The following NCOR2 variants were observed in gnomAD, a reference collection of about 807,000 sequenced individuals.
NCOR2 encodes the protein CTG repeat protein 26.
Under a neutral mutation model 262.9 loss-of-function variants are expected in NCOR2, and 81 were observed. That is an observed-to-expected ratio of 0.31 (90% confidence interval 0.26 to 0.37). NCOR2 has a LOEUF of 0.37. NCOR2 is among the 10% of genes least tolerant of loss of function. The pLI is 1.00. For synonymous variants in NCOR2, 1,659 were observed against 1,559.3 expected, an observed-to-expected ratio of 1.06 and a Z score of -1.51; for missense variants, 3,385 against 3,621.4, an observed-to-expected ratio of 0.93 and a Z score of 1.68.
At chr12:124,516,872 A>G (rs924599445) in intron 1 of NCOR2, among the ~76,000 whole-genome samples, 1 of 152,214 alleles carries the variant, frequency 6.6e-6, no homozygotes, top group Admixed American at 6.5e-5. Flanking sequence ...CTGTGAGCCT[A>G]TTATGAGCTA....
intron 4 of NCOR2, among the ~76,000 whole-genome samples, chr12:124,469,342 G>A (rs541611801): frequency 3.9e-5 from 6 of 152,268 alleles, no homozygotes; most frequent in Admixed American, 6.5e-5. Flanking sequence ...AGACTCCATC[G>A]CTGGCGGTTT....
chr12:124,390,637 C>G (rs940593448), intron 16 of NCOR2, among the ~76,000 whole-genome samples: 2 of 152,198 alleles, frequency 1.3e-5, no homozygotes, highest in African/African-American at 4.8e-5. Context: ...TGGTAAGGAG[C>G]TTGCAAAGGA....
At chr12:124,493,849 C>T (rs1004787405) in intron 1 of NCOR2, among the ~76,000 whole-genome samples, 1 of 152,214 alleles carries the variant, frequency 6.6e-6, no homozygotes, top group Non-Finnish European at 1.5e-5. Flanking sequence ...AGCCCCGATG[C>T]TGTGGCAGCC....
chr12:124,388,279 T>A (rs1593325062), intron 16 of NCOR2, among the ~76,000 whole-genome samples: 1 of 152,018 alleles, frequency 6.6e-6, no homozygotes, highest in African/African-American at 2.4e-5. Flanking sequence ...GGCTGCGGGG[T>A]AGGGGCAGGC....
exon 20 of NCOR2, chr12:124,372,506 C>T (rs369819038): frequency 3.3e-5 from 52 of 1,587,722 alleles, no homozygotes; most frequent in South Asian, 2.1e-4. Context: ...GGCCCGTCGG[C>T]GCCCAGGGTG....
chr12:124,519,504 G>T (rs1446054661), intron 1 of NCOR2, among the ~76,000 whole-genome samples: 1 of 152,176 alleles, frequency 6.6e-6, no homozygotes, highest in Non-Finnish European at 1.5e-5. Flanking sequence ...CTGGAGGCTG[G>T]ACCACGCGGG....
In NCOR2 at chr12:124,422,660, C is replaced by T. The variant is rs964432853; in HGVS notation, c.1329-105G>A. The T allele has an allele frequency of 1.0e-5, 13 of 1,270,874 alleles. No individual in the cohort carries two copies. In the East Asian group the frequency reaches 1.8e-4, roughly 18 times the overall value. 78.7% of individuals were successfully genotyped at this position (1,270,874 alleles called of 1,614,324 possible). On this transcript the variant is annotated intron_variant, in intron 11 of 46. Coordinates refer to ENST00000405201, the Ensembl canonical transcript of NCOR2. Reference sequence around the variant, plus strand: ...TGCCATCCCCACTGGCCGGGCCTGGCGGGCACCGCCCCACTTGGAGCAATT... The same window carrying T: ...TGCCATCCCCACTGGCCGGGCCTGGTGGGCACCGCCCCACTTGGAGCAATT...
At chr12:124,552,324 A>G (rs1445313564) in intron 1 of NCOR2, among the ~76,000 whole-genome samples, 1 of 152,078 alleles carries the variant, frequency 6.6e-6, no homozygotes, top group Non-Finnish European at 1.5e-5. Context: ...GTCTCAAAAA[A>G]AAAAACCACT....
At chr12:124,496,580 C>T (rs1299063063), upstream of NCOR2, among the ~76,000 whole-genome samples, 1 of 152,080 alleles carries the variant, frequency 6.6e-6, no homozygotes, top group Non-Finnish European at 1.5e-5. This position sits in a 1 kb window ranked among gnomAD's most constrained non-coding sequence, Gnocchi z 4.4. Context: ...AACACCCCCT[C>T]CCCCAACCTG....
intron 1 of NCOR2, among the ~76,000 whole-genome samples, chr12:124,532,982 C>T (rs2050913543): frequency 9.4e-6 from 1 of 106,742 alleles, no homozygotes. Flanking sequence ...CCAAATCCCA[C>T]TCCTCTTTCC....
intron 3 of NCOR2, among the ~76,000 whole-genome samples, chr12:124,479,450 C>T (rs926355379): frequency 2.0e-4 from 16 of 80,976 alleles, no homozygotes; most frequent in Admixed American, 1.5e-3. Context: ...TGTGCACACA[C>T]GCATACACAC....
At chr12:124,412,928 A>T (rs1224879470) in intron 13 of NCOR2, among the ~76,000 whole-genome samples, 3 of 152,188 alleles carry the variant, frequency 2.0e-5, no homozygotes, top group Non-Finnish European at 4.4e-5. Flanking sequence ...GACAGGGGGA[A>T]CTCCAGGAGG....
At chr12:124,429,848 C>T (rs1478189557) in intron 9 of NCOR2, 142 bp from the exon 12 acceptor site, 15 of 786,082 alleles carry the variant, frequency 1.9e-5, no homozygotes, top group Non-Finnish European at 2.8e-5. Context: ...GCCCCACACC[C>T]GGGGTCCTGG....
intron 20 of NCOR2, among the ~76,000 whole-genome samples, chr12:124,368,653 AG>A (rs773155263): frequency 1.5e-3 from 225 of 152,132 alleles, no homozygotes; most frequent in Admixed American, 3.5e-3. Context: ...GGTGGTTCCC[AG>A]GGGGTCTGGC....
At position 124,481,724 on chromosome 12, in the gene NCOR2, C is replaced by A. The variant is rs940285138; in HGVS notation, c.411+1872G>T. ...ATCACGCCGGACCTGCAGCCCATGG[C>A]AAGGATTTTGGCTTTTTCCTGCTTG... On this transcript the variant is annotated intron_variant, in intron 3 of 46. Coordinates refer to ENST00000405201, the Ensembl canonical transcript of NCOR2. This position sits in a 1 kb window ranked among gnomAD's most constrained non-coding sequence, Gnocchi z 4.6. Among the ~76,000 whole-genome samples, 1 of 152,008 alleles carries A rather than the reference C, an allele frequency of 6.6e-6. No homozygotes were observed. The highest frequency in any genetic ancestry group is 2.4e-5 in the African/African-American group (1 of 41,350).
chr12:124,426,657 C>A, exon 11 of NCOR2: 5 of 1,604,728 alleles, frequency 3.1e-6, no homozygotes, highest in Non-Finnish European at 4.3e-6. Context: ...GCTCACTCCA[C>A]ATGTTCATGA....
At chr12:124,420,946 G>A (rs908147615) in intron 12 of NCOR2, among the ~76,000 whole-genome samples, 19 of 152,200 alleles carry the variant, frequency 1.2e-4, no homozygotes, top group Non-Finnish European at 1.3e-4. Flanking sequence ...GCTCCCAGGC[G>A]GCCCCAGGCT....
rs916468902 is a variant in NCOR2, at chr12:124,443,685, T to C, written c.816-5689A>G. ...GCCCAGCTAATTTTCGTATTTTTAG[T>C]AGAGACGGGGTTTCACTATATTGGC... On this transcript the variant is annotated intron_variant, in intron 7 of 46. Transcript: ENST00000405201. This position sits in a 1 kb window ranked among gnomAD's most constrained non-coding sequence, Gnocchi z 4.4. 2.0e-5 allele frequency among the ~76,000 whole-genome samples: 3 copies of C among 152,044 alleles called. No individual in the cohort carries two copies. The highest frequency in any genetic ancestry group is 7.2e-5 in the African/African-American group (3 of 41,406).
At chr12:124,408,035 GT>G (rs1045893175) in intron 13 of NCOR2, among the ~76,000 whole-genome samples, 9 of 152,356 alleles carry the variant, frequency 5.9e-5, no homozygotes, top group African/African-American at 2.2e-4. Flanking sequence ...ATCTCAGTGC[GT>G]TTAAGGGTTG....
Sources: allele counts gnomAD v4.1 joint callset (sites outside exome capture counted in the v4.1 genomes callset), GRCh38; gene constraint gnomAD v4.1.1; non-coding constraint Gnocchi (gnomAD v3.1); transcripts MANE v1.5; gene names NCBI Gene and HGNC (gene_info 2026-07-23, HGNC 2026-07-21).